The following KCNMB2 variants were observed in gnomAD, a reference collection of about 807,000 sequenced individuals.
KCNMB2 encodes calcium-activated potassium channel subunit beta-2.
A neutral mutation model predicts 24.5 loss-of-function variants in KCNMB2; 9 were observed. The observed-to-expected ratio is 0.37, with a 90% CI of 0.22 to 0.64. The LOEUF (loss-of-function observed/expected upper bound fraction) is 0.64, where lower values mean the gene tolerates loss of function less well. Among genes scored for constraint, KCNMB2 ranks in the 30% least tolerant of loss-of-function variants. KCNMB2 has a pLI of 0.63. For missense variants in KCNMB2, 226 were observed against 284.3 expected, an observed-to-expected ratio of 0.79 and a Z score of 1.47; for synonymous variants, 109 against 104.4, an observed-to-expected ratio of 1.04 and a Z score of -0.27.
intron 1 of KCNMB2, among the ~76,000 whole-genome samples, chr3:178,758,343 G>A (rs1280992950): frequency 7.8e-5 from 1 of 12,856 alleles, no homozygotes; most frequent in East Asian, 1.7e-3. Context: ...TCTCCAAGAG[G>A]GGATATATAT....
intron 1 of KCNMB2, among the ~76,000 whole-genome samples, chr3:178,649,870 C>A (rs1358426892): frequency 6.6e-6 from 1 of 151,338 alleles, no homozygotes; most frequent in Non-Finnish European, 1.5e-5. Context: ...TTAGTTATTT[C>A]TTGTCTTCTG....
chr3:178,681,907 C>T (rs186876819), intron 1 of KCNMB2, among the ~76,000 whole-genome samples: 1 of 152,194 alleles, frequency 6.6e-6, no homozygotes, highest in Non-Finnish European at 1.5e-5. Context: ...ATTTCATCAG[C>T]ATAACCCTCA....
At chr3:178,757,262 G>A (rs535426673) in intron 1 of KCNMB2, 3 of 135,022 alleles carry the variant, frequency 2.2e-5, no homozygotes, top group African/African-American at 8.1e-5. Flanking sequence ...ATATATACAC[G>A]TGTGTGTGTG....
At chr3:178,625,902 G>C (rs893173670) in intron 1 of KCNMB2, among the ~76,000 whole-genome samples, 2 of 152,180 alleles carry the variant, frequency 1.3e-5, no homozygotes, top group Non-Finnish European at 2.9e-5. Context: ...TCACCCTATA[G>C]AGTAAGACTT....
chr3:178,844,223 T>C lies in KCNMB2; in HGVS notation c.*1286T>C, dbSNP rs1715528100. Reference sequence around the variant, plus strand: ...TCTATCTTTCTCATCTATATTTAAGTACCTTTTTGTAATGTAGTATCAAAG... The same window carrying C: ...TCTATCTTTCTCATCTATATTTAAGCACCTTTTTGTAATGTAGTATCAAAG... On this transcript the variant is annotated 3_prime_UTR_variant, in exon 5 of 5. Transcript: ENST00000452583. 1 of 152,550 alleles carries C rather than the reference T, an allele frequency of 6.6e-6. No individual in the cohort carries two copies. Among genetic ancestry groups the C allele is most frequent in the South Asian group, 2.1e-4 (1 of 4,828 alleles). The allele number at this position is 152,550 out of a possible 1,614,324, so 9.4% of individuals were successfully genotyped here.
At chr3:178,722,815 C>A (rs1270225056) in intron 1 of KCNMB2, among the ~76,000 whole-genome samples, 1 of 152,138 alleles carries the variant, frequency 6.6e-6, no homozygotes, top group African/African-American at 2.4e-5. Context: ...ATGGGTTGAG[C>A]CCTGGGGGCG....
chr3:178,747,003 C>T lies in KCNMB2; in HGVS notation c.-67-60340C>T, dbSNP rs1189108296. 4 of 152,710 alleles carry T rather than the reference C, an allele frequency of 2.6e-5. No individual in the cohort carries two copies. The Middle Eastern group carries it at 0.01, about 387-fold the overall frequency. The allele number at this position is 152,710 out of a possible 1,614,324, so 9.5% of individuals were successfully genotyped here. On this transcript the variant is annotated intron_variant, in intron 1 of 4. Coordinates refer to ENST00000452583, the MANE Select transcript of KCNMB2 (RefSeq NM_181361.3). ...CCAACCTCTGCCTGTTACCCAGTTC[C>T]AATGTTGCTTCCACATTTTCAGGTA...
intron 1 of KCNMB2, among the ~76,000 whole-genome samples, chr3:178,658,471 G>A (rs7652997): frequency 0.45 from 68,026 of 151,836 alleles, 15,284 homozygotes; most frequent in Middle Eastern, 0.56. Flanking sequence ...CACATTTTAC[G>A]CTGTCAGGAA....
intron 1 of KCNMB2, among the ~76,000 whole-genome samples, chr3:178,801,085 T>A (rs988945679): frequency 6.6e-6 from 1 of 152,022 alleles, no homozygotes; most frequent in Admixed American, 6.6e-5. Flanking sequence ...CAAAATATAG[T>A]TGATAGAATG....
chr3:178,772,264 T>C lies in KCNMB2; in HGVS notation c.-67-35079T>C, dbSNP rs181160251. ...TGCCTTTTATGTAGGTAGAAAATGG[T>C]CAAATGTCTATAATTTCATTTTGTT... is the stretch of plus-strand genomic sequence containing the variant. On this transcript the variant is annotated intron_variant, in intron 1 of 4. Transcript: ENST00000452583. 3.4e-3 allele frequency among the ~76,000 whole-genome samples: 513 copies of C among 152,322 alleles called. 6 individuals are homozygous for C. The highest frequency in any genetic ancestry group is 0.012 in the African/African-American group (505 of 41,566).
intron 1 of KCNMB2, among the ~76,000 whole-genome samples, chr3:178,613,482 T>C (rs936290120): frequency 5.3e-5 from 8 of 152,378 alleles, no homozygotes; most frequent in African/African-American, 1.4e-4. Context: ...TATTTCTGAT[T>C]GAAGTATTCC....
intron 1 of KCNMB2, among the ~76,000 whole-genome samples, chr3:178,654,688 T>A (rs1012003779): frequency 7.2e-5 from 11 of 152,198 alleles, no homozygotes; most frequent in Non-Finnish European, 1.3e-4. Flanking sequence ...CTTTTGGTTT[T>A]TGTTTTTTAA....
chr3:178,551,904 G>A (rs1715965373), intron 1 of KCNMB2, among the ~76,000 whole-genome samples: 1 of 152,102 alleles, frequency 6.6e-6, no homozygotes, highest in African/African-American at 2.4e-5. Context: ...ACACCTGCTG[G>A]CCATTTGACA....
At chr3:178,837,560 C>G (rs1245408766) in intron 4 of KCNMB2, among the ~76,000 whole-genome samples, 1 of 152,150 alleles carries the variant, frequency 6.6e-6, no homozygotes, top group African/African-American at 2.4e-5. Context: ...GGTCTAGTGA[C>G]AGCTGGTTTA....
At chr3:178,841,159 C>A (rs1715413491) in intron 4 of KCNMB2, among the ~76,000 whole-genome samples, 1 of 152,192 alleles carries the variant, frequency 6.6e-6, no homozygotes, top group Non-Finnish European at 1.5e-5. Flanking sequence ...ATGGCAGGGA[C>A]AAAATGCTGC....
chr3:178,809,566 T>C (rs1002540100), intron 2 of KCNMB2, among the ~76,000 whole-genome samples: 4 of 152,224 alleles, frequency 2.6e-5, no homozygotes, highest in African/African-American at 9.6e-5. Flanking sequence ...GCTCTCTCCC[T>C]GTACCCCAGT....
chr3:178,754,538 ACT>A (rs1045053338), intron 1 of KCNMB2, among the ~76,000 whole-genome samples: 2 of 151,958 alleles, frequency 1.3e-5, no homozygotes, highest in Non-Finnish European at 2.9e-5. Flanking sequence ...AAAAGGAAAG[ACT>A]CTGTTCAGTT....
At chr3:178,594,564 G>A (rs567722681) in intron 1 of KCNMB2, among the ~76,000 whole-genome samples, 1 of 152,154 alleles carries the variant, frequency 6.6e-6, no homozygotes, top group African/African-American at 2.4e-5. Context: ...GAAAGAGCAT[G>A]TTTGCAGAGA....
chr3:178,549,475 T>G (rs1037573010), intron 1 of KCNMB2, among the ~76,000 whole-genome samples: 1 of 78,872 alleles, frequency 1.3e-5, no homozygotes, highest in Non-Finnish European at 2.5e-5. Context: ...AATGCCCAGC[T>G]TTTTTTTTTT....
Sources: allele counts gnomAD v4.1 joint callset (sites outside exome capture counted in the v4.1 genomes callset), GRCh38; gene constraint gnomAD v4.1.1; transcripts MANE v1.5; gene names NCBI Gene and HGNC (gene_info 2026-07-23, HGNC 2026-07-21).